The following TAFA5 variants were observed in gnomAD, a reference collection of about 807,000 sequenced individuals.
The protein encoded by TAFA5 is chemokine-like protein TAFA-5.
TAFA5 carries 6 observed loss-of-function variants against 15.3 expected under a neutral mutation model. That is an observed-to-expected ratio of 0.39 (90% confidence interval 0.21 to 0.77). TAFA5 has a LOEUF of 0.77. TAFA5 is among the 30% of genes least tolerant of loss of function. The pLI is 0.41. For missense variants in TAFA5, 161 were observed against 193.1 expected (o/e 0.83, Z 0.98); for synonymous variants, 103 against 80.7 (o/e 1.28, Z -1.48).
chr22:48,603,448 C>A (rs908297101), intron 1 of TAFA5, among the ~76,000 whole-genome samples: 8 of 152,244 alleles, frequency 5.3e-5, no homozygotes, highest in Admixed American at 1.3e-4. Flanking sequence ...GGGTGTCTGA[C>A]GGTCTCCTTG....
At chr22:48,608,671 G>T (rs1005196980) in intron 1 of TAFA5, among the ~76,000 whole-genome samples, 2 of 152,230 alleles carry the variant, frequency 1.3e-5, no homozygotes, top group African/African-American at 4.8e-5. Flanking sequence ...AGGAAGGGCT[G>T]TTTTTACCTG....
At chr22:48,595,783 A>G (rs1924743895) in intron 1 of TAFA5, among the ~76,000 whole-genome samples, 1 of 152,272 alleles carries the variant, frequency 6.6e-6, no homozygotes, top group Admixed American at 6.5e-5. Context: ...TAATCCTTTA[A>G]GAACTGAGAT....
chr22:48,696,541 G>A (rs1035115576), intron 2 of TAFA5, among the ~76,000 whole-genome samples: 1 of 152,192 alleles, frequency 6.6e-6, no homozygotes, highest in African/African-American at 2.4e-5. Flanking sequence ...GGGGGTCCCG[G>A]AGTGAATGGG....
At chr22:48,581,328 G>A (rs1025494954) in intron 1 of TAFA5, among the ~76,000 whole-genome samples, 2 of 152,228 alleles carry the variant, frequency 1.3e-5, no homozygotes, top group African/African-American at 4.8e-5. Flanking sequence ...GGCAGTGGAC[G>A]GACGGGGCCA....
intron 1 of TAFA5, among the ~76,000 whole-genome samples, chr22:48,540,021 T>G (rs1922307390): frequency 1.3e-5 from 2 of 149,474 alleles, no homozygotes; most frequent in South Asian, 2.1e-4. Flanking sequence ...GGGTTGGGAG[T>G]GGAACTGGGG....
intron 1 of TAFA5, among the ~76,000 whole-genome samples, chr22:48,614,223 C>T (rs1044223292): frequency 2.6e-5 from 4 of 152,220 alleles, no homozygotes; most frequent in Admixed American, 6.5e-5. Context: ...CACCCCAACT[C>T]TTCATTGTGA....
At chr22:48,570,816 G>A (rs1436288956) in intron 1 of TAFA5, among the ~76,000 whole-genome samples, 4 of 146,304 alleles carry the variant, frequency 2.7e-5, no homozygotes, top group Admixed American at 2.1e-4. Flanking sequence ...TCCCATAAAT[G>A]TTTATAGCAG....
At position 48,648,017 on chromosome 22, in the gene TAFA5, T is replaced by C. The variant is rs1327813042; in HGVS notation, c.262+1271T>C. Reference sequence around the variant, plus strand: ...GCCAGAAGAAGATAGGGACAGGGGCTGGGCAGGTGGAGTAGGGCCGAGGAT... The same window carrying C: ...GCCAGAAGAAGATAGGGACAGGGGCCGGGCAGGTGGAGTAGGGCCGAGGAT... On this transcript the variant is annotated intron_variant, in intron 2 of 3. Transcript: ENST00000402357. Among the ~76,000 whole-genome samples, 3 of 152,236 alleles carry C rather than the reference T, an allele frequency of 2.0e-5. No homozygotes were observed. In the East Asian group the frequency reaches 5.8e-4, roughly 29 times the overall value.
intron 2 of TAFA5, among the ~76,000 whole-genome samples, chr22:48,678,022 C>T (rs8135989): frequency 0.021 from 3,160 of 152,248 alleles, 116 homozygotes; most frequent in African/African-American, 0.072. Flanking sequence ...CCTTCCAGGC[C>T]CCTGGGGCTC....
chr22:48,490,864 G>A lies in TAFA5; in HGVS notation c.112+1160G>A, dbSNP rs1177567709. Among the ~76,000 whole-genome samples, 1 of 149,978 alleles carries A rather than the reference G, an allele frequency of 6.7e-6. No homozygotes were observed. Among genetic ancestry groups the A allele is most frequent in the Admixed American group, 6.6e-5 (1 of 15,152 alleles). On this transcript the variant is annotated intron_variant, in intron 1 of 3. Coordinates refer to ENST00000402357, the MANE Select transcript of TAFA5 (RefSeq NM_001082967.3). This position sits in a 1 kb window ranked among gnomAD's most constrained non-coding sequence, Gnocchi z 5.8. ...CCCCGGGCCTCCAAGCTCCCAGTCCGATCTGATCCTTCCGCTGTCGCCAAA... is the reference window on the plus strand; with the variant it reads ...CCCCGGGCCTCCAAGCTCCCAGTCCAATCTGATCCTTCCGCTGTCGCCAAA...
intron 1 of TAFA5, chr22:48,576,705 C>A (rs1008454774): frequency 1.8e-6 from 2 of 1,088,994 alleles, no homozygotes; most frequent in Non-Finnish European, 2.3e-6. Flanking sequence ...CCACTGCGGG[C>A]CCGGAGCGGC....
intron 1 of TAFA5, among the ~76,000 whole-genome samples, chr22:48,557,020 G>A (rs906867148): frequency 3.9e-5 from 6 of 152,142 alleles, no homozygotes; most frequent in African/African-American, 1.2e-4. Flanking sequence ...CGGGCCTGGC[G>A]TGGTCACCAG....
chr22:48,654,574 C>T (rs1356001330), intron 2 of TAFA5, among the ~76,000 whole-genome samples: 1 of 152,272 alleles, frequency 6.6e-6, no homozygotes, highest in Non-Finnish European at 1.5e-5. Context: ...AGGCACGTCC[C>T]ATCCCTCGTC....
chr22:48,660,590 G>C (rs1416928157), intron 2 of TAFA5, among the ~76,000 whole-genome samples: 1 of 152,244 alleles, frequency 6.6e-6, no homozygotes, highest in Non-Finnish European at 1.5e-5. Flanking sequence ...TGGAGCTGAT[G>C]TTCCTGTTTT....
At chr22:48,704,632 A>G (rs773523483) in intron 2 of TAFA5, among the ~76,000 whole-genome samples, 2 of 150,084 alleles carry the variant, frequency 1.3e-5, no homozygotes, top group Non-Finnish European at 1.5e-5. Context: ...GGGGTTCCCT[A>G]TCCCCACGTG....
chr22:48,502,881 T>TCC (rs1920960899), intron 1 of TAFA5, among the ~76,000 whole-genome samples: 1 of 152,166 alleles, frequency 6.6e-6, no homozygotes, highest in African/African-American at 2.4e-5. Context: ...TGGCTTCTCT[T>TCC]CTGTAGCATT....
intron 1 of TAFA5, among the ~76,000 whole-genome samples, chr22:48,590,734 AGCC>A (rs1192538987): frequency 1.3e-5 from 2 of 152,148 alleles, no homozygotes; most frequent in African/African-American, 2.4e-5. Flanking sequence ...GTTTGTGCCC[AGCC>A]TCCTCCAGGC....
At chr22:48,610,166 G>A (rs569768583) in intron 1 of TAFA5, among the ~76,000 whole-genome samples, 1 of 152,300 alleles carries the variant, frequency 6.6e-6, no homozygotes, top group South Asian at 2.1e-4. Context: ...ACCAGAGGCG[G>A]GGCAGGGAGG....
chr22:48,613,539 C>T (rs927130013), intron 1 of TAFA5, among the ~76,000 whole-genome samples: 6 of 152,314 alleles, frequency 3.9e-5, no homozygotes, highest in African/African-American at 9.6e-5. Flanking sequence ...GGACTTGAGA[C>T]GGACTCCTGG....
Sources: gnomAD v4.1 joint callset for allele counts (sites outside exome capture counted in the v4.1 genomes callset) on GRCh38, gnomAD v4.1.1 for gene constraint, Gnocchi (gnomAD v3.1) non-coding constraint, MANE v1.5 for transcripts, NCBI Gene and HGNC (gene_info 2026-07-23, HGNC 2026-07-21) for gene names.